PCDHA8: variants seen among roughly 807,000 people sequenced by gnomAD.
PCDHA8 encodes the protein protocadherin alpha 8.
In PCDHA8, 53 loss-of-function variants were observed where a neutral mutation model predicts 61.8. The observed-to-expected ratio is 0.86, with a 90% CI of 0.69 to 1.08. The LOEUF is 1.08. Ranked by LOEUF, PCDHA8 falls within the 50% of genes least tolerant of loss-of-function variation. The pLI, the probability that PCDHA8 is intolerant of heterozygous loss-of-function variation, is 0.00. For missense variants in PCDHA8, 1,293 were observed against 1,245.0 expected (o/e 1.04, Z -0.58); for synonymous variants, 618 against 556.6 (o/e 1.11, Z -1.55).
intron 1 of PCDHA8, chr5:140,857,701 G>A (rs1043829375): frequency 4.4e-6 from 7 of 1,597,352 alleles, no homozygotes; most frequent in Non-Finnish European, 6.0e-6. Flanking sequence ...TGACGCTGCA[G>A]GTGTTCGTGC....
chr5:141,002,261 C>A (rs373363788), intron 3 of PCDHA8, among the ~76,000 whole-genome samples: 1 of 152,224 alleles, frequency 6.6e-6, no homozygotes, highest in East Asian at 1.9e-4. Context: ...CACTGAAATC[C>A]CAGAGCTGGT....
intron 1 of PCDHA8, chr5:140,870,939 G>C (rs555504652): frequency 6.2e-7 from 1 of 1,613,732 alleles, no homozygotes; most frequent in South Asian, 1.1e-5. Flanking sequence ...AATTGCAGCC[G>C]GCGGCGGGCG....
In PCDHA8 at chr5:140,841,966, A is replaced by G; in HGVS notation, c.645A>G (p.Thr215=). The G allele has an allele frequency of 6.2e-7, 1 of 1,613,924 alleles. No individual in the cohort carries two copies. The highest frequency in any genetic ancestry group is 8.5e-7 in the Non-Finnish European group (1 of 1,179,866). The change falls in exon 1 of 4, where the codon ACA becomes ACG. Residue 215 remains threonine, a synonymous_variant. Transcript: ENST00000531613. ...CGCACCACTTATTCCTGACAGCCACAGATGGGGGCAAACCTGAGCTCACAG... is the reference window on the plus strand; with the variant it reads ...CGCACCACTTATTCCTGACAGCCACGGATGGGGGCAAACCTGAGCTCACAG... ...APAHHLFLTA[T]DGGKPELTGT... is the part of the protein sequence containing the mutation.
chr5:140,988,827 G>A (rs1554250450), intron 3 of PCDHA8: 1 of 152,132 alleles, frequency 6.6e-6, no homozygotes, highest in African/African-American at 2.4e-5. Flanking sequence ...CCCAAACAGA[G>A]ATCACGTGTC....
intron 1 of PCDHA8, among the ~76,000 whole-genome samples, chr5:140,976,091 C>CAACTTTTCAA (rs2096700073): frequency 6.6e-6 from 1 of 152,166 alleles, no homozygotes; most frequent in Non-Finnish European, 1.5e-5. Flanking sequence ...TATCAGTAGT[C>CAACTTTTCAA]AACTTTTCAA....
chr5:140,884,167 G>T (rs1554181302), intron 1 of PCDHA8: 2 of 1,613,294 alleles, frequency 1.2e-6, no homozygotes, highest in African/African-American at 1.3e-5. Context: ...AGATCAGCAC[G>T]ACGCGCCCTC....
intron 1 of PCDHA8, among the ~76,000 whole-genome samples, chr5:140,977,165 T>C (rs921089293): frequency 1.3e-5 from 2 of 152,156 alleles, no homozygotes; most frequent in Non-Finnish European, 2.9e-5. Context: ...TTCAGCAAAA[T>C]GAGTTTGATG....
At chr5:140,850,136 C>A in intron 1 of PCDHA8, 1 of 1,595,682 alleles carries the variant, frequency 6.3e-7, no homozygotes, top group Non-Finnish European at 8.6e-7. Context: ...CTCTGGGCAG[C>A]AACGTGACGC....
intron 1 of PCDHA8, chr5:140,849,320 G>A (rs1562454724): frequency 1.5e-6 from 2 of 1,335,992 alleles, no homozygotes; most frequent in East Asian, 2.4e-5. Context: ...GCTTGAATGG[G>A]GATATTATTT....
intron 1 of PCDHA8, chr5:140,856,124 G>A (rs2043793970): frequency 6.3e-7 from 1 of 1,598,042 alleles, no homozygotes; most frequent in African/African-American, 1.3e-5. Context: ...CTGGGAGGTG[G>A]GGAGCGGCCA....
In PCDHA8 at chr5:140,843,020, G is replaced by C. The variant is rs142550829; in HGVS notation, c.1699G>C (p.Glu567Gln). The C allele has an allele frequency of 3.1e-6, 5 of 1,595,174 alleles. 1 individual carries two copies. Among genetic ancestry groups the C allele is most frequent in the Non-Finnish European group, 4.3e-6 (5 of 1,165,458 alleles). ...GAATGACAACGCGCCGGCACTGCTGGAGCCTCGGGTGGGTGGCACTGGTGG... is the reference window on the plus strand; with the variant it reads ...GAATGACAACGCGCCGGCACTGCTGCAGCCTCGGGTGGGTGGCACTGGTGG... ...DENDNAPALL[E>Q]PRVGGTGGAA... The change falls in exon 1 of 4, where the codon GAG (glutamate) becomes CAG (glutamine). Residue 567 changes from glutamate (E) to glutamine (Q), a missense_variant. Coordinates refer to ENST00000531613, the MANE Select transcript of PCDHA8 (RefSeq NM_018911.3).
intron 1 of PCDHA8, chr5:140,871,484 A>T: frequency 6.3e-7 from 1 of 1,592,270 alleles, no homozygotes; most frequent in Non-Finnish European, 8.6e-7. Context: ...GGGTCAAATC[A>T]CCCCGGACAG....
chr5:140,841,821 T>A lies in PCDHA8; in HGVS notation c.500T>A (p.Val167Glu). The A allele has an allele frequency of 6.2e-7, 1 of 1,613,940 alleles. No homozygotes were observed. The change falls in exon 1 of 4, where the codon GTG becomes GAG. Residue 167 changes from valine to glutamate, a missense_variant. Val to Glu is a moderately radical substitution (Grantham distance 121). Transcript: ENST00000531613. ...GATGCAGATGTTGGAGCTAACTCCG[T>A]GTTAACCTACAGGCTTAGCTCTCAT... ...ASDADVGANS[V>E]LTYRLSSHDY...
chr5:140,884,241 C>A (rs782355331), intron 1 of PCDHA8: 5 of 1,613,408 alleles, frequency 3.1e-6, no homozygotes, highest in Non-Finnish European at 4.2e-6. Flanking sequence ...GGTGAGCCCG[C>A]GCTGACGGCC....
chr5:140,971,509 A>C (rs1369392741), intron 1 of PCDHA8, among the ~76,000 whole-genome samples: 4 of 152,112 alleles, frequency 2.6e-5, no homozygotes, highest in Admixed American at 2.0e-4. Flanking sequence ...ATAGGAGCAA[A>C]AGCCACTCAG....
At chr5:140,978,903 C>T in intron 1 of PCDHA8, 46 bp from the exon 2 acceptor site, 4 of 1,613,202 alleles carry the variant, frequency 2.5e-6, no homozygotes, top group Middle Eastern at 1.7e-4. Flanking sequence ...CCTGGGAGAA[C>T]ATTGTCTTGT....
Position 140,857,792 on chromosome 5 carries a change from C to T in PCDHA8, c.2394+14077C>T, listed in dbSNP as rs368399538. 21 of 1,597,428 alleles carry T rather than the reference C, an allele frequency of 1.3e-5. 1 individual carries two copies. In the African/African-American group the frequency reaches 2.6e-4, roughly 19 times the overall value. On this transcript the variant is annotated intron_variant, in intron 1 of 3. Coordinates refer to ENST00000531613, the MANE Select transcript of PCDHA8 (RefSeq NM_018911.3). ...CGGTGCAGTCAGTGAGCTGGTGCTGCGGTCGGTGGTTGCGGGTCACGTGGT... is the reference window on the plus strand; with the variant it reads ...CGGTGCAGTCAGTGAGCTGGTGCTGTGGTCGGTGGTTGCGGGTCACGTGGT...
At chr5:140,852,307 G>A (rs2042297271) in intron 1 of PCDHA8, 5 of 377,800 alleles carry the variant, frequency 1.3e-5, no homozygotes, top group African/African-American at 2.2e-5. Context: ...AGACGGAGTC[G>A]TTTTCTGCCA....
rs1777975197 is a variant in PCDHA8 at position 140,842,460 on chromosome 5, G to C, written c.1139G>C (p.Gly380Ala). The change falls in exon 1 of 4, where the codon GGT becomes GCT. Residue 380 changes from glycine to alanine, a missense_variant. Gly to Ala is a moderately conservative substitution (Grantham distance 60). Coordinates refer to ENST00000531613, the MANE Select transcript of PCDHA8 (RefSeq NM_018911.3). ...ATTAGCGTGAACGACCTCGATTCAGGTGCCAACGGGCAGGTGACCTGCTCC... is the reference window on the plus strand; with the variant it reads ...ATTAGCGTGAACGACCTCGATTCAGCTGCCAACGGGCAGGTGACCTGCTCC... ...ALISVNDLDSGANGQVTCSLM... is the reference protein window; with the variant it reads ...ALISVNDLDSAANGQVTCSLM... 1 of 1,613,782 alleles carries C rather than the reference G, an allele frequency of 6.2e-7. No homozygotes were observed. The highest frequency in any genetic ancestry group is 1.1e-5 in the South Asian group (1 of 91,070).
Sources: gnomAD v4.1 joint callset for allele counts (sites outside exome capture counted in the v4.1 genomes callset) on GRCh38, gnomAD v4.1.1 for gene constraint, MANE v1.5 for transcripts, NCBI Gene and HGNC (gene_info 2026-07-23, HGNC 2026-07-21) for gene names.